The following GRIP1 variants were observed in gnomAD, a reference collection of about 807,000 sequenced individuals.
The protein encoded by GRIP1 is glutamate receptor-interacting protein 1.
Under a neutral mutation model 129.9 loss-of-function variants are expected in GRIP1, and 45 were observed. The ratio of observed to expected loss-of-function variants is 0.35; its 90% CI spans 0.27 to 0.44. The LOEUF (loss-of-function observed/expected upper bound fraction) is 0.44. Ranked by LOEUF, GRIP1 falls within the 20% of genes least tolerant of loss-of-function variation. The pLI, the probability that GRIP1 is intolerant of heterozygous loss-of-function variation, is 1.00. For missense variants in GRIP1, 1,196 were observed against 1,396.8 expected (o/e 0.86, Z 2.29); for synonymous variants, 530 against 520.8 (o/e 1.02, Z -0.24).
rs183041988 is a variant in GRIP1 at position 66,650,608 on chromosome 12, T to A, written c.55+28242A>T. Among the ~76,000 whole-genome samples, 20 of 152,330 alleles carry A rather than the reference T, an allele frequency of 1.3e-4. No individual in the cohort carries two copies. The East Asian group carries it at 3.3e-3, about 25-fold the overall frequency. On this transcript the variant is annotated intron_variant, in intron 1 of 24. Coordinates refer to ENST00000359742, the MANE Select transcript of GRIP1 (RefSeq NM_001366722.1). ...AAGAATACCTTCCTTGAGAGATAAC[T>A]TACACATGCTGGTCACTATGATTAA...
intron 1 of GRIP1, among the ~76,000 whole-genome samples, chr12:67,066,153 T>A (rs979628732): frequency 1.3e-5 from 2 of 152,236 alleles, no homozygotes; most frequent in Non-Finnish European, 2.9e-5. Context: ...GCCATAGCAA[T>A]AGCTTCATCT....
chr12:66,614,676 G>C (rs2064961810), intron 1 of GRIP1, among the ~76,000 whole-genome samples: 1 of 151,918 alleles, frequency 6.6e-6, no homozygotes, highest in African/African-American at 2.4e-5. Flanking sequence ...AGTTCCCCAG[G>C]GGCTTCCATT....
intron 9 of GRIP1, among the ~76,000 whole-genome samples, chr12:66,460,458 G>A (rs11176198): frequency 0.41 from 62,998 of 151,962 alleles, 13,950 homozygotes; most frequent in African/African-American, 0.55. Flanking sequence ...TGAATGTGTC[G>A]AGTCTAGTGA....
At position 66,944,447 on chromosome 12, in the gene GRIP1, T is replaced by C. The variant is rs114418705; in HGVS notation, c.58+124603A>G. Reference sequence around the variant, plus strand: ...TGATAGGATACTGATCCACCTTAGTTAGAGCATTTTACATTTTTGACAGGG... The same window carrying C: ...TGATAGGATACTGATCCACCTTAGTCAGAGCATTTTACATTTTTGACAGGG... On this transcript the variant is annotated intron_variant, in intron 1 of 1. Coordinates refer to the GRIP1 transcript ENST00000643019. 3.4e-3 allele frequency among the ~76,000 whole-genome samples: 523 copies of C among 151,956 alleles called. 1 individual carries two copies. The highest frequency in any genetic ancestry group is 0.012 in the African/African-American group (502 of 41,416).
At chr12:66,814,666 T>A (rs1430272299) in intron 1 of GRIP1, among the ~76,000 whole-genome samples, 2 of 149,306 alleles carry the variant, frequency 1.3e-5, no homozygotes, top group Non-Finnish European at 3.0e-5. Flanking sequence ...TATAGAAAAA[T>A]TAAATAAATA....
At position 66,652,319 on chromosome 12, in the gene GRIP1, A is replaced by G. The variant is rs1429214900; in HGVS notation, c.55+26531T>C. ...TTCTCATGAGATCTGATGGTTTTAC[A>G]CATGGCAGTTTCCCCTGGGCTTTTC... On this transcript the variant is annotated intron_variant, in intron 1 of 24. Transcript: ENST00000359742. Among the ~76,000 whole-genome samples, 3 of 152,252 alleles carry G rather than the reference A, an allele frequency of 2.0e-5. No homozygotes were observed. In the East Asian group the frequency reaches 5.8e-4, roughly 29 times the overall value.
At chr12:66,518,852 C>G (rs1213205982) in intron 5 of GRIP1, among the ~76,000 whole-genome samples, 2 of 152,200 alleles carry the variant, frequency 1.3e-5, no homozygotes, top group African/African-American at 4.8e-5. Flanking sequence ...TGTATGCTCT[C>G]TTTTACAAAA....
At chr12:66,560,125 A>G (rs2062468605) in intron 2 of GRIP1, among the ~76,000 whole-genome samples, 1 of 152,112 alleles carries the variant, frequency 6.6e-6, no homozygotes, top group Non-Finnish European at 1.5e-5. Flanking sequence ...TATGCAGAAG[A>G]ATGAAACTAG....
chr12:66,782,758 T>G (rs554547086), intron 1 of GRIP1, among the ~76,000 whole-genome samples: 1 of 152,204 alleles, frequency 6.6e-6, no homozygotes, highest in Non-Finnish European at 1.5e-5. Context: ...TTACTCTTAC[T>G]GCTTGCTATG....
chr12:66,671,222 G>A (rs1258167148), intron 1 of GRIP1, among the ~76,000 whole-genome samples: 3 of 152,144 alleles, frequency 2.0e-5, no homozygotes, highest in Non-Finnish European at 2.9e-5. Context: ...GATTTACTAA[G>A]AAAGTCAAGT....
chr12:66,611,109 T>C (rs957834185), intron 1 of GRIP1, among the ~76,000 whole-genome samples: 2 of 152,344 alleles, frequency 1.3e-5, no homozygotes, highest in East Asian at 1.9e-4. Flanking sequence ...TGTTTACTTT[T>C]TTAACAATTA....
At chr12:66,937,194 A>G (rs1215549861) in intron 1 of GRIP1, among the ~76,000 whole-genome samples, 2 of 152,198 alleles carry the variant, frequency 1.3e-5, no homozygotes, top group East Asian at 3.9e-4. Flanking sequence ...AGTGCTGTGC[A>G]TAAATGTCAT....
chr12:67,039,525 T>C lies in GRIP1; in HGVS notation c.58+29525A>G, dbSNP rs1322556965. ...GGGCTCTCTAACTCTATTTAAACTA[T>C]AGCCAGTATGGGTGCTAGTCAAAAG... is the stretch of plus-strand genomic sequence containing the variant. On this transcript the variant is annotated intron_variant, in intron 1 of 1. Transcript: ENST00000643019. Among the ~76,000 whole-genome samples, 4 of 152,178 alleles carry C rather than the reference T, an allele frequency of 2.6e-5. No homozygotes were observed. In the East Asian group the frequency reaches 7.7e-4, roughly 29 times the overall value.
chr12:67,001,932 T>A (rs779069808), intron 1 of GRIP1, among the ~76,000 whole-genome samples: 4 of 152,008 alleles, frequency 2.6e-5, no homozygotes, highest in Non-Finnish European at 5.9e-5. Context: ...TACCAGTCAT[T>A]TATACATTGT....
At chr12:66,373,383 C>T in intron 22 of GRIP1, among the ~76,000 whole-genome samples, 1 of 152,228 alleles carries the variant, frequency 6.6e-6, no homozygotes, top group East Asian at 1.9e-4. Flanking sequence ...GTCACCACGC[C>T]TGGCCATTCC....
intron 1 of GRIP1, among the ~76,000 whole-genome samples, chr12:66,779,431 G>T (rs984460868): frequency 6.6e-6 from 1 of 152,170 alleles, no homozygotes; most frequent in Non-Finnish European, 1.5e-5. Flanking sequence ...ATTTTATGGG[G>T]TAGATTTTAT....
chr12:66,947,065 A>G (rs1025743202), intron 1 of GRIP1, among the ~76,000 whole-genome samples: 9 of 151,334 alleles, frequency 5.9e-5, no homozygotes, highest in Non-Finnish European at 8.8e-5. Flanking sequence ...AAACCTGCTT[A>G]GCAGAAGTTC....
At chr12:66,869,652 G>T (rs557916591) in intron 1 of GRIP1, among the ~76,000 whole-genome samples, 5 of 152,046 alleles carry the variant, frequency 3.3e-5, no homozygotes, top group African/African-American at 1.2e-4. Flanking sequence ...TGACAGATAC[G>T]TATCATTGAA....
intron 1 of GRIP1, among the ~76,000 whole-genome samples, chr12:66,933,848 A>T (rs987218655): frequency 6.6e-6 from 1 of 152,210 alleles, no homozygotes; most frequent in African/African-American, 2.4e-5. Flanking sequence ...TATAGTCCAG[A>T]TCTAAGTATT....
Sources: allele counts gnomAD v4.1 joint callset (sites outside exome capture counted in the v4.1 genomes callset), GRCh38; gene constraint gnomAD v4.1.1; transcripts MANE v1.5; gene names NCBI Gene and HGNC (gene_info 2026-07-23, HGNC 2026-07-21).